The following INHBA variants were observed in gnomAD, a reference collection of about 807,000 sequenced individuals.
The protein encoded by INHBA is inhibin beta A chain.
In INHBA, 1 loss-of-function variant was observed where a neutral mutation model predicts 29.0. The observed-to-expected ratio is 0.03, with a 90% confidence interval of 0.01 to 0.16. The LOEUF (loss-of-function observed/expected upper bound fraction) is 0.16. Among genes scored for constraint, INHBA ranks in the 10% least tolerant of loss-of-function variants. The probability of loss-of-function intolerance (pLI) is 1.00; values close to 1 mark genes in which losing one functional copy is unlikely to be tolerated. For missense variants in INHBA, 376 were observed against 545.4 expected, an observed-to-expected ratio of 0.69 and a Z score of 3.09; for synonymous variants, 242 against 216.8, an observed-to-expected ratio of 1.12 and a Z score of -1.02.
intron 2 of INHBA, among the ~76,000 whole-genome samples, chr7:41,699,490 G>T (rs1487527532): frequency 1.3e-5 from 2 of 152,072 alleles, no homozygotes; most frequent in Non-Finnish European, 2.9e-5. Context: ...CTTTTAAAGG[G>T]GAAGGTTTGT....
chr7:41,702,136 C>G (rs1045137718), intron 1 of INHBA, among the ~76,000 whole-genome samples: 1 of 152,104 alleles, frequency 6.6e-6, no homozygotes, highest in African/African-American at 2.4e-5. Context: ...ATATCTGACA[C>G]CTAGTGTGTT....
rs1329616704 is a variant in INHBA, at chr7:41,700,203, C to G, written c.172G>C (p.Val58Leu). 1 of 1,614,034 alleles carries G rather than the reference C, an allele frequency of 6.2e-7. No individual in the cohort carries two copies. Among genetic ancestry groups the G allele is most frequent in the African/African-American group, 1.3e-5 (1 of 75,028 alleles). ...AGCATGTTTAAAATGTGCTTCTTGA[C>G]GGCCTCCACCATCTCTGGCTGAGAG... Reference protein sequence around the residue: ...PNSQPEMVEAVKKHILNMLHL... With the variant: ...PNSQPEMVEALKKHILNMLHL... Residue 58 changes from valine (V) to leucine (L), a missense_variant, in exon 2 of 3, where the codon GTC becomes CTC. This residue lies in a region of INHBA where 71 missense variants were observed against 77.0 expected (regional missense o/e 0.92). Transcript: ENST00000242208.
In INHBA at chr7:41,688,991, AT is replaced by A. The variant is rs1453146726; in HGVS notation, c.*658del. The stretch of plus-strand genomic sequence containing the variant: ...TTCCATACTTGTTCTCAATTTTTTA[AT>A]GTTGTTTGTTTTGTTTTGTTGCAAA... On this transcript the variant is annotated 3_prime_UTR_variant, in exon 3 of 3. Transcript: ENST00000242208. 8.6e-6 allele frequency: 2 copies of A among 232,014 alleles called. No individual in the cohort carries two copies. The highest frequency in any genetic ancestry group is 1.7e-5 in the Non-Finnish European group (2 of 117,634). The allele number at this position is 232,014 out of a possible 1,614,324, so 14.4% of individuals were successfully genotyped here.
In INHBA at chr7:41,685,894, G is replaced by A. The variant is rs768600262; in HGVS notation, c.*3756C>T. On this transcript the variant is annotated 3_prime_UTR_variant, in exon 3 of 3. Transcript: ENST00000242208. The stretch of plus-strand genomic sequence containing the variant: ...ATCTACAAGTTTTATTTATTTTGTG[G>A]GTTTTCAGGGTGACTAAGTTTTTCC... The A allele has an allele frequency of 1.3e-5, 2 of 151,952 alleles. No individual in the cohort carries two copies. Among genetic ancestry groups the A allele is most frequent in the Non-Finnish European group, 2.9e-5 (2 of 67,974 alleles). The allele number at this position is 151,952 out of a possible 1,614,324, so 9.4% of individuals were successfully genotyped here.
chr7:41,689,622 G>T lies in INHBA; in HGVS notation c.*28C>A, dbSNP rs1280238255. On this transcript the variant is annotated 3_prime_UTR_variant, in exon 3 of 3. Coordinates refer to ENST00000242208, the MANE Select transcript of INHBA (RefSeq NM_002192.4). ...CCACTGTCTTCTCTGGACAACTCTT[G>T]CTCCCTTTCCCCCTGGGCTGGGCAA... 1.3e-6 allele frequency: 2 copies of T among 1,495,656 alleles called. No homozygotes were observed. The highest frequency in any genetic ancestry group is 1.4e-5 in the African/African-American group (1 of 69,870). 92.6% of individuals were successfully genotyped at this position (1,495,656 alleles called of 1,614,324 possible). A position where few individuals can be genotyped will look rare whatever the true frequency, so the allele number is the denominator to read the frequency against.
chr7:41,696,633 TTC>T (rs1489304519), intron 2 of INHBA, among the ~76,000 whole-genome samples: 1 of 152,198 alleles, frequency 6.6e-6, no homozygotes, highest in African/African-American at 2.4e-5. Context: ...GTGGCCGCTC[TTC>T]CCCATTATTC....
chr7:41,700,051 T>C lies in INHBA; in HGVS notation c.324A>G (p.Gly108=). ...NGYVEIEDDI[G]RRAEMNELME... ...TAAGTTCATTCATTTCTGCCCTCCTTCCAATGTCATCCTCTATCTCCACAT... is the reference window on the plus strand; with the variant it reads ...TAAGTTCATTCATTTCTGCCCTCCTCCCAATGTCATCCTCTATCTCCACAT... Residue 108 remains glycine, a synonymous_variant, in exon 2 of 3, where the codon GGA becomes GGG. Transcript: ENST00000242208. The C allele has an allele frequency of 1.2e-6, 2 of 1,607,694 alleles. No individual in the cohort carries two copies. Among genetic ancestry groups the C allele is most frequent in the Non-Finnish European group, 1.7e-6 (2 of 1,177,058 alleles).
chr7:41,703,790 C>CACACAACA (rs1554287648), upstream of INHBA, among the ~76,000 whole-genome samples: 5 of 151,338 alleles, frequency 3.3e-5, no homozygotes, highest in Admixed American at 2.6e-4. Context: ...CACACACACA[C>CACACAACA]ACAACAACAA....
intron 2 of INHBA, chr7:41,691,435 T>C (rs1408039732): frequency 2.0e-5 from 3 of 152,324 alleles, no homozygotes; most frequent in African/African-American, 7.2e-5. Context: ...TGAATTCCTA[T>C]TGCTCAGTAT....
chr7:41,702,137 C>T (rs1228355706), intron 1 of INHBA, among the ~76,000 whole-genome samples: 2 of 152,140 alleles, frequency 1.3e-5, no homozygotes, highest in Non-Finnish European at 2.9e-5. Context: ...TATCTGACAC[C>T]TAGTGTGTTC....
chr7:41,700,144 C>T lies in INHBA; in HGVS notation c.231G>A (p.Pro77=), dbSNP rs1019880841. The T allele has an allele frequency of 4.3e-6, 7 of 1,613,956 alleles. No individual in the cohort carries two copies. The highest frequency in any genetic ancestry group is 5.9e-6 in the Non-Finnish European group (7 of 1,180,048). Reference sequence around the variant, plus strand: ...CGTTCAGAAGCGCCGCCTTGGGTACCGGCTGGGTGACATCGGGTCTCTTCT... The same window carrying T: ...CGTTCAGAAGCGCCGCCTTGGGTACTGGCTGGGTGACATCGGGTCTCTTCT... ...HLKKRPDVTQ[P]VPKAALLNAI... Residue 77 remains proline, a synonymous_variant, in exon 2 of 3, where the codon CCG becomes CCA. Transcript: ENST00000242208.
In INHBA at chr7:41,689,186, T is replaced by C. The variant is rs1794445030; in HGVS notation, c.*464A>G. On this transcript the variant is annotated 3_prime_UTR_variant, in exon 3 of 3. Coordinates refer to ENST00000242208, the MANE Select transcript of INHBA (RefSeq NM_002192.4). The stretch of plus-strand genomic sequence containing the variant: ...TGTCACACAGACATACCTTATGACC[T>C]GGGTAATTGGGTAGGAAAGTGCCTG... 4.3e-6 allele frequency: 1 copy of C among 235,236 alleles called. No homozygotes were observed. Among genetic ancestry groups the C allele is most frequent in the Non-Finnish European group, 8.4e-6 (1 of 119,578 alleles). 14.6% of individuals were successfully genotyped at this position (235,236 alleles called of 1,614,324 possible). A position where few individuals can be genotyped will look rare whatever the true frequency, so the allele number is the denominator to read the frequency against.
chr7:41,704,901 CCACAA>C (rs1468447272), upstream of INHBA, among the ~76,000 whole-genome samples: 3 of 152,204 alleles, frequency 2.0e-5, no homozygotes, highest in South Asian at 4.1e-4. Flanking sequence ...ACCAGAGGAG[CCACAA>C]CACAAGTGTG....
chr7:41,694,134 A>G (rs189586012), intron 2 of INHBA: 4 of 152,284 alleles, frequency 2.6e-5, no homozygotes, highest in African/African-American at 4.8e-5. Flanking sequence ...TAAGCAGTGC[A>G]TATTTCTTTC....
chr7:41,690,560 C>CA lies in INHBA; in HGVS notation c.389-19dup. 1 of 1,556,156 alleles carries CA rather than the reference C, an allele frequency of 6.4e-7. No homozygotes were observed. Among genetic ancestry groups the CA allele is most frequent in the South Asian group, 1.2e-5 (1 of 82,582 alleles). Reference sequence around the variant, plus strand: ...GGCTGTTCCTGAAGATGAAAGACAGCATAAGAGAAAACAGGCACACCTGTT... The same window carrying CA: ...GGCTGTTCCTGAAGATGAAAGACAGCAATAAGAGAAAACAGGCACACCTGTT... On this transcript the variant is annotated intron_variant, in intron 2 of 2. Coordinates refer to ENST00000242208, the MANE Select transcript of INHBA (RefSeq NM_002192.4).
chr7:41,700,333 G>A lies in INHBA; in HGVS notation c.42C>T (p.Cys14=). 10 of 1,507,908 alleles carry A rather than the reference G, an allele frequency of 6.6e-6. No homozygotes were observed. The highest frequency in any genetic ancestry group is 8.9e-6 in the Non-Finnish European group (10 of 1,128,298). The allele number at this position is 1,507,908 out of a possible 1,614,324, so 93.4% of individuals were successfully genotyped here. The change falls in exon 2 of 3, where the codon TGC becomes TGT. Residue 14 remains cysteine, a synonymous_variant. Transcript: ENST00000242208. ...LWLRGFLLAS[C]WIIVRSSPTP... Reference sequence around the variant, plus strand: ...TGGGGGAACTCCTCACTATAATCCAGCAACTTGCCAACAGAAATCCTCTCA... The same window carrying A: ...TGGGGGAACTCCTCACTATAATCCAACAACTTGCCAACAGAAATCCTCTCA...
chr7:41,695,411 A>G (rs1196125690), intron 2 of INHBA, among the ~76,000 whole-genome samples: 1 of 152,162 alleles, frequency 6.6e-6, no homozygotes, highest in East Asian at 1.9e-4. Context: ...CACAACTACC[A>G]TTTACAGGGT....
chr7:41,695,202 T>C (rs1794618462), intron 2 of INHBA, among the ~76,000 whole-genome samples: 1 of 152,232 alleles, frequency 6.6e-6, no homozygotes, highest in Admixed American at 6.5e-5. Context: ...TAAAATATGT[T>C]GCTCTTTTAC....
At chr7:41,701,194 T>C (rs1433211585) in intron 1 of INHBA, among the ~76,000 whole-genome samples, 1 of 152,024 alleles carries the variant, frequency 6.6e-6, no homozygotes, top group Non-Finnish European at 1.5e-5. Context: ...TAGGGATGAA[T>C]TGATTGAAAA....
Sources: gnomAD v4.1 joint callset for allele counts (sites outside exome capture counted in the v4.1 genomes callset) on GRCh38, gnomAD v4.1.1 for gene constraint, gnomAD v4.1.1 regional missense constraint, MANE v1.5 for transcripts, NCBI Gene and HGNC (gene_info 2026-07-23, HGNC 2026-07-21) for gene names.